The following ZNF609 variants were observed in gnomAD, a reference collection of about 807,000 sequenced individuals.
ZNF609 encodes zinc finger protein 609.
A neutral mutation model predicts 109.5 loss-of-function variants in ZNF609; 11 were observed. That is an observed-to-expected ratio of 0.10 (90% CI 0.06 to 0.17). The LOEUF (loss-of-function observed/expected upper bound fraction) is 0.17. Ranked by LOEUF, ZNF609 falls within the 10% of genes least tolerant of loss-of-function variation. ZNF609 has a pLI of 1.00. For missense variants in ZNF609, 1,559 were observed against 1,772.4 expected, an observed-to-expected ratio of 0.88 and a Z score of 2.16; for synonymous variants, 646 against 662.0, an observed-to-expected ratio of 0.98 and a Z score of 0.37.
At chr15:64,486,511 G>T (rs1327113355) in intron 1 of ZNF609, among the ~76,000 whole-genome samples, 1 of 133,976 alleles carries the variant, frequency 7.5e-6, no homozygotes, top group Non-Finnish European at 1.6e-5. Flanking sequence ...GTGACAGAGT[G>T]AGACTCTGTC....
intron 2 of ZNF609, among the ~76,000 whole-genome samples, chr15:64,541,325 G>T (rs1894256698): frequency 1.3e-5 from 2 of 150,542 alleles, no homozygotes; most frequent in South Asian, 4.2e-4. Flanking sequence ...TACTCGGGAG[G>T]CTGAGGCAGG....
intron 1 of ZNF609, among the ~76,000 whole-genome samples, chr15:64,485,956 A>G (rs901856577): frequency 2.0e-5 from 3 of 152,164 alleles, no homozygotes; most frequent in Non-Finnish European, 4.4e-5. Context: ...ACTTTTGTAT[A>G]TATGTGTTTT....
At chr15:64,641,264 C>T (rs1343891891) in intron 3 of ZNF609, among the ~76,000 whole-genome samples, 1 of 105,566 alleles carries the variant, frequency 9.5e-6, no homozygotes, top group African/African-American at 3.6e-5. Flanking sequence ...GCTGCCCAGG[C>T]TGGAGTGCAA....
chr15:64,533,452 T>G (rs948238379), intron 2 of ZNF609, among the ~76,000 whole-genome samples: 17 of 152,212 alleles, frequency 1.1e-4, no homozygotes, highest in Admixed American at 1.0e-3. Context: ...AGGGGAAGAT[T>G]CTGTAGTGTT....
intron 3 of ZNF609, among the ~76,000 whole-genome samples, chr15:64,648,678 TAGA>T (rs2140995738): frequency 7.3e-6 from 1 of 136,308 alleles, no homozygotes; most frequent in African/African-American, 2.8e-5. Context: ...AGATAATATA[TAGA>T]AGATGTTAAA....
chr15:64,556,864 T>G (rs1031432627), intron 2 of ZNF609, among the ~76,000 whole-genome samples: 1 of 152,202 alleles, frequency 6.6e-6, no homozygotes, highest in Non-Finnish European at 1.5e-5. Flanking sequence ...CAAAATATTA[T>G]TTATATCCTA....
intron 1 of ZNF609, among the ~76,000 whole-genome samples, chr15:64,489,343 G>C (rs1043554869): frequency 9.3e-5 from 14 of 150,362 alleles, no homozygotes; most frequent in Middle Eastern, 3.5e-3. Context: ...CTGCCACCGC[G>C]CCCGGCTAAT....
intron 2 of ZNF609, among the ~76,000 whole-genome samples, chr15:64,584,156 G>C (rs946497238): frequency 6.6e-6 from 1 of 152,076 alleles, no homozygotes; most frequent in Admixed American, 6.6e-5. Flanking sequence ...AGTTGTACAG[G>C]TTGTGCCTTT....
At chr15:64,587,755 T>C (rs1567022169) in intron 2 of ZNF609, among the ~76,000 whole-genome samples, 1 of 152,118 alleles carries the variant, frequency 6.6e-6, no homozygotes. Flanking sequence ...AAAATAGCTC[T>C]TTTGCCTGAG....
intron 2 of ZNF609, among the ~76,000 whole-genome samples, chr15:64,549,083 A>G (rs1259166993): frequency 6.6e-6 from 1 of 152,228 alleles, no homozygotes; most frequent in Non-Finnish European, 1.5e-5. Flanking sequence ...TAAATTCCAC[A>G]TTAAATTTTA....
At chr15:64,495,598 G>A (rs554112875) in intron 1 of ZNF609, among the ~76,000 whole-genome samples, 2 of 151,732 alleles carry the variant, frequency 1.3e-5, no homozygotes, top group Admixed American at 6.6e-5. Context: ...AAAGGGTTTC[G>A]TCATGCTGGC....
chr15:64,645,048 T>TCTTCCTTTCTTC (rs1896313463), intron 3 of ZNF609, among the ~76,000 whole-genome samples: 3 of 138,448 alleles, frequency 2.2e-5, no homozygotes, highest in Non-Finnish European at 3.1e-5. Flanking sequence ...TTCCTTTCTT[T>TCTTCCTTTCTTC]CTTCCTTTCT....
intron 2 of ZNF609, 60 bp downstream of exon 2, chr15:64,500,226 C>T: frequency 6.3e-7 from 1 of 1,579,092 alleles, no homozygotes; most frequent in South Asian, 1.1e-5. Context: ...CCTGGACTAA[C>T]TGCCAAATAC....
At chr15:64,607,285 CATT>C (rs1376802430) in intron 2 of ZNF609, among the ~76,000 whole-genome samples, 2 of 151,922 alleles carry the variant, frequency 1.3e-5, no homozygotes, top group Non-Finnish European at 2.9e-5. Flanking sequence ...TAAATACAAA[CATT>C]ATATACATTA....
At chr15:64,676,947 G>A (rs913754641) in intron 5 of ZNF609, among the ~76,000 whole-genome samples, 1 of 151,816 alleles carries the variant, frequency 6.6e-6, no homozygotes, top group African/African-American at 2.4e-5. Flanking sequence ...TAGAGACGGG[G>A]TTTCACCATG....
At chr15:64,670,578 A>G (rs1896710969) in intron 4 of ZNF609, 145 bp downstream of exon 4, 1 of 725,940 alleles carries the variant, frequency 1.4e-6, no homozygotes, top group Admixed American at 2.3e-5. Flanking sequence ...TATTTATCTG[A>G]CATTCAAGAA....
chr15:64,620,870 TG>T (rs1328812189), intron 2 of ZNF609, among the ~76,000 whole-genome samples: 1 of 152,206 alleles, frequency 6.6e-6, no homozygotes, highest in Non-Finnish European at 1.5e-5. Context: ...TGTTTGTCTC[TG>T]TGTGTGTTGT....
intron 1 of ZNF609, among the ~76,000 whole-genome samples, chr15:64,477,679 A>C (rs1405170477): frequency 1.4e-5 from 2 of 144,378 alleles, no homozygotes; most frequent in African/African-American, 5.2e-5. Context: ...CCCAGGCTGG[A>C]GTGCAGTGGC....
Position 64,567,081 on chromosome 15 carries a change from A to G in ZNF609, c.748-55746A>G, listed in dbSNP as rs376447746. ...GGAAATAGCTAAAAAGGAACTGGCT[A>G]ATTAGAGTTGAGAGAAAATATTTAT... On this transcript the variant is annotated intron_variant, in intron 2 of 9. Transcript: ENST00000326648. 8.5e-5 allele frequency among the ~76,000 whole-genome samples: 13 copies of G among 152,362 alleles called. No individual in the cohort carries two copies. The East Asian group carries it at 1.5e-3, about 18-fold the overall frequency.
Sources: gnomAD v4.1 joint callset for allele counts (sites outside exome capture counted in the v4.1 genomes callset) on GRCh38, gnomAD v4.1.1 for gene constraint, MANE v1.5 for transcripts, NCBI Gene and HGNC (gene_info 2026-07-23, HGNC 2026-07-21) for gene names.